The following PDE4D variants were observed in gnomAD, a reference collection of about 807,000 sequenced individuals.
PDE4D encodes the protein phosphodiesterase 4D, also known as 3',5'-cyclic-AMP phosphodiesterase 4D.
In PDE4D, 24 loss-of-function variants were observed where a neutral mutation model predicts 87.4. The observed-to-expected ratio is 0.27, with a 90% confidence interval of 0.20 to 0.39. The LOEUF (loss-of-function observed/expected upper bound fraction) is 0.39, where lower values mean the gene tolerates loss of function less well. Among genes scored for constraint, PDE4D ranks in the 10% least tolerant of loss-of-function variants. The probability of loss-of-function intolerance (pLI) is 1.00; values close to 1 mark genes in which losing one functional copy is unlikely to be tolerated. For missense variants in PDE4D, 714 were observed against 1,041.0 expected (o/e 0.69, Z 4.32); for synonymous variants, 384 against 383.2 (o/e 1.00, Z -0.02).
chr5:59,874,915 G>A lies in PDE4D; in HGVS notation c.455+18253C>T, dbSNP rs867324037. On this transcript the variant is annotated intron_variant, in intron 1 of 14. Coordinates refer to ENST00000340635, the MANE Select transcript of PDE4D (RefSeq NM_001104631.2). ...ATGAGTCATTAAAGAGAAATTCTGTGGGGCAGAGGTCCCATCTGAGGTCCA... is the reference window on the plus strand; with the variant it reads ...ATGAGTCATTAAAGAGAAATTCTGTAGGGCAGAGGTCCCATCTGAGGTCCA... Among the ~76,000 whole-genome samples the A allele has an allele frequency of 2.6e-5, 4 of 152,242 alleles. No homozygotes were observed. In the South Asian group the frequency reaches 8.3e-4, roughly 32 times the overall value.
chr5:60,201,456 T>A lies in PDE4D; in HGVS notation c.-89-15769A>T, dbSNP rs190388007. On this transcript the variant is annotated intron_variant, in intron 1 of 16. Coordinates refer to the PDE4D transcript ENST00000502484. The stretch of plus-strand genomic sequence containing the variant: ...GAAGTACATAAAAGGAGACTTTTTT[T>A]AAAAAACATGTTTCTAAAGAGGAAA... Among the ~76,000 whole-genome samples, 71 of 152,182 alleles carry A rather than the reference T, an allele frequency of 4.7e-4. 1 individual carries two copies. The highest frequency in any genetic ancestry group is 1.0e-3 in the Admixed American group (16 of 15,284).
chr5:59,616,724 A>T (rs2150090780), intron 1 of PDE4D, among the ~76,000 whole-genome samples: 1 of 151,780 alleles, frequency 6.6e-6, no homozygotes, highest in Admixed American at 6.6e-5. Flanking sequence ...GGTTTCAAAT[A>T]TAATTGCTTC....
chr5:60,306,337 GA>G (rs1252361021), intron 1 of PDE4D, among the ~76,000 whole-genome samples: 1 of 151,500 alleles, frequency 6.6e-6, no homozygotes, highest in Admixed American at 6.6e-5. Context: ...GACTCAAAAG[GA>G]AAAAAACACA....
chr5:59,762,343 C>T (rs931364398), intron 1 of PDE4D, among the ~76,000 whole-genome samples: 1 of 129,238 alleles, frequency 7.7e-6, no homozygotes, highest in Non-Finnish European at 1.6e-5. Flanking sequence ...TATGGGTACA[C>T]ATATGCATAT....
chr5:59,744,371 T>C (rs187212675), intron 1 of PDE4D, among the ~76,000 whole-genome samples: 126 of 152,304 alleles, frequency 8.3e-4, no homozygotes, highest in African/African-American at 2.9e-3. Context: ...GAATATACTT[T>C]AATATTCCTA....
intron 2 of PDE4D, among the ~76,000 whole-genome samples, chr5:59,203,815 T>C (rs1396043763): frequency 6.6e-6 from 1 of 151,670 alleles, no homozygotes; most frequent in Admixed American, 6.6e-5. Context: ...AAGCAGAGAG[T>C]AGAACAGTTG....
intron 3 of PDE4D, among the ~76,000 whole-genome samples, chr5:59,922,327 T>G (rs1273734286): frequency 6.6e-6 from 1 of 152,078 alleles, no homozygotes; most frequent in Non-Finnish European, 1.5e-5. Context: ...GGGTTTAGAA[T>G]TAGTGTTTAT....
Position 59,555,505 on chromosome 5 carries a change from T to C in PDE4D, c.455+337663A>G, listed in dbSNP as rs372283404. On this transcript the variant is annotated intron_variant, in intron 1 of 14. Transcript: ENST00000340635. ...TGTACCCCTGAACCTAAAATAAAAG[T>C]TTTGTTTTTTAAAATAAGATGAAAT... Among the ~76,000 whole-genome samples the C allele has an allele frequency of 9.1e-4, 138 of 152,120 alleles. 1 individual carries two copies. Among genetic ancestry groups the C allele is most frequent in the African/African-American group, 3.1e-3 (129 of 41,526 alleles).
intron 5 of PDE4D, among the ~76,000 whole-genome samples, chr5:59,114,242 A>C (rs1773180265): frequency 6.6e-6 from 1 of 152,198 alleles, no homozygotes; most frequent in Non-Finnish European, 1.5e-5. Flanking sequence ...TTAAATATAT[A>C]CAAGTATACA....
intron 1 of PDE4D, among the ~76,000 whole-genome samples, chr5:59,223,115 A>T (rs1373574802): frequency 6.6e-6 from 1 of 152,186 alleles, no homozygotes. Context: ...TGCTGGAGCC[A>T]GATTGCTCTA....
intron 5 of PDE4D, among the ~76,000 whole-genome samples, chr5:59,125,730 T>C (rs1430067531): frequency 4.6e-5 from 7 of 151,960 alleles, no homozygotes. Context: ...TTGGGCAGGA[T>C]GCGATGGGGG....
chr5:60,116,298 G>T (rs766266818), intron 2 of PDE4D, among the ~76,000 whole-genome samples: 1 of 152,062 alleles, frequency 6.6e-6, no homozygotes, highest in African/African-American at 2.4e-5. Context: ...ACAGACAAAA[G>T]GTTGAGACCC....
intron 1 of PDE4D, among the ~76,000 whole-genome samples, chr5:59,346,583 T>C (rs1285252882): frequency 1.3e-5 from 2 of 152,122 alleles, no homozygotes; most frequent in African/African-American, 4.8e-5. Flanking sequence ...AAGGTTTATG[T>C]TGTCTCAGTT....
At position 59,744,037 on chromosome 5, in the gene PDE4D, T is replaced by C. The variant is rs375709873; in HGVS notation, c.455+149131A>G. ...TGATTTATATAATCTAAATGCTTAA[T>C]GTCAGCTTGTTAACCAATAGTTCCT... is the stretch of plus-strand genomic sequence containing the variant. On this transcript the variant is annotated intron_variant, in intron 1 of 14. Transcript: ENST00000340635. Among the ~76,000 whole-genome samples, 39 of 152,298 alleles carry C rather than the reference T, an allele frequency of 2.6e-4. No individual in the cohort carries two copies. In the South Asian group the frequency reaches 8.1e-3, roughly 32 times the overall value.
chr5:59,107,295 G>A (rs1771768527), intron 5 of PDE4D, among the ~76,000 whole-genome samples: 1 of 152,028 alleles, frequency 6.6e-6, no homozygotes, highest in Non-Finnish European at 1.5e-5. Flanking sequence ...CGCAACATCC[G>A]CCTCCCAGGT....
chr5:60,001,813 C>T (rs931052546), intron 2 of PDE4D, among the ~76,000 whole-genome samples: 9 of 146,502 alleles, frequency 6.1e-5, no homozygotes, highest in African/African-American at 2.3e-4. Flanking sequence ...TTGTCATCAG[C>T]TTAAAATAAA....
intron 1 of PDE4D, among the ~76,000 whole-genome samples, chr5:59,886,626 T>C (rs1036757720): frequency 1.3e-5 from 2 of 152,158 alleles, no homozygotes; most frequent in African/African-American, 4.8e-5. Context: ...ATGAGTTTTC[T>C]GAACAGGTAA....
chr5:60,050,885 A>G (rs1220142865), intron 2 of PDE4D, among the ~76,000 whole-genome samples: 3 of 152,216 alleles, frequency 2.0e-5, no homozygotes, highest in African/African-American at 7.2e-5. Context: ...AGAGGTTGCC[A>G]TCCTAATTTC....
intron 1 of PDE4D, among the ~76,000 whole-genome samples, chr5:60,515,256 A>C (rs778763963): frequency 1.3e-5 from 2 of 152,114 alleles, no homozygotes; most frequent in Non-Finnish European, 2.9e-5. Flanking sequence ...GGCTACTTGC[A>C]TTTCCATATA....
Sources: gnomAD v4.1 joint callset for allele counts (sites outside exome capture counted in the v4.1 genomes callset) on GRCh38, gnomAD v4.1.1 for gene constraint, MANE v1.5 for transcripts, NCBI Gene and HGNC (gene_info 2026-07-23, HGNC 2026-07-21) for gene names.